The following DNAH6 variants were observed in gnomAD, a reference collection of about 807,000 sequenced individuals.
DNAH6 encodes axonemal beta dynein heavy chain 6.
DNAH6 carries 340 observed loss-of-function variants against 491.4 expected under a neutral mutation model. The ratio of observed to expected loss-of-function variants is 0.69; its 90% CI spans 0.63 to 0.76. The LOEUF is 0.76. Among genes scored for constraint, DNAH6 ranks in the 30% least tolerant of loss-of-function variants. The pLI, the probability that DNAH6 is intolerant of heterozygous loss-of-function variation, is 0.00. For synonymous variants in DNAH6, 1,603 were observed against 1,686.1 expected, an observed-to-expected ratio of 0.95 and a Z score of 1.21; for missense variants, 4,443 against 4,972.2, an observed-to-expected ratio of 0.89 and a Z score of 3.20.
At chr2:84,474,575 T>G in the DNAH6 span, among the ~76,000 whole-genome samples, 2 of 152,238 alleles carry the variant, frequency 1.3e-5, no homozygotes, top group Admixed American at 1.3e-4. Context: ...CTACTATTAC[T>G]ACTATATTGA....
rs1188720988 is a variant in DNAH6 at position 84,604,407 on chromosome 2, A to G, written c.2937A>G (p.Thr979=). 18 of 1,552,134 alleles carry G rather than the reference A, an allele frequency of 1.2e-5. No individual in the cohort carries two copies. The part of the protein sequence containing the change: ...KARHWAAIEQ[T]VDATLVDAEI... ...GACATTGGGCAGCTATTGAACAAAC[A>G]GTTGATGCCACTCTAGTGGATGCTG... The change falls in exon 19 of 77, where the codon ACA becomes ACG. Residue 979 remains threonine (T), a synonymous_variant. Transcript: ENST00000389394.
chr2:84,814,666 C>A (rs1448278497), intron 75 of DNAH6, among the ~76,000 whole-genome samples: 4 of 152,210 alleles, frequency 2.6e-5, no homozygotes, highest in Admixed American at 1.3e-4. Flanking sequence ...CAGCACACTC[C>A]ATCTGCCACA....
intron 4 of DNAH6, among the ~76,000 whole-genome samples, chr2:84,530,681 TACTC>T (rs1573517807): frequency 6.6e-6 from 1 of 152,140 alleles, no homozygotes; most frequent in East Asian, 1.9e-4. Flanking sequence ...AGGCCGTAGT[TACTC>T]AGGGGAGAAA....
chr2:84,544,207 T>C (rs1243695717), intron 4 of DNAH6, 26 bp from the exon 5 acceptor site: 3 of 1,222,340 alleles, frequency 2.5e-6, no homozygotes, highest in Non-Finnish European at 3.4e-6. Context: ...CTTTATTTAT[T>C]AGTCCCAATT....
At chr2:84,686,618 A>T (rs1573483873) in intron 44 of DNAH6, 61 bp downstream of exon 44, 1 of 1,018,940 alleles carries the variant, frequency 9.8e-7, no homozygotes, top group East Asian at 2.7e-5. Context: ...TTATTTTCCA[A>T]TTCAAATGAA....
At chr2:84,576,121 G>C (rs770709794) in intron 12 of DNAH6, among the ~76,000 whole-genome samples, 8 of 152,262 alleles carry the variant, frequency 5.3e-5, no homozygotes, top group Non-Finnish European at 1.0e-4. Context: ...ACTAAACAGC[G>C]CAGCATTATA....
At chr2:84,723,244 A>G (rs1440803789) in intron 60 of DNAH6, among the ~76,000 whole-genome samples, 3 of 152,132 alleles carry the variant, frequency 2.0e-5, no homozygotes, top group Non-Finnish European at 2.9e-5. Context: ...AATAAAAAAT[A>G]AAAAAGAGTG....
chr2:84,499,866 A>C, the DNAH6 span, among the ~76,000 whole-genome samples: 1 of 139,794 alleles, frequency 7.2e-6, no homozygotes, highest in Non-Finnish European at 1.5e-5. Flanking sequence ...CCTTTTGCCC[A>C]TTTTTTTGAT....
chr2:84,675,604 G>A (rs1003732535), intron 40 of DNAH6, among the ~76,000 whole-genome samples: 1 of 152,092 alleles, frequency 6.6e-6, no homozygotes, highest in African/African-American at 2.4e-5. Flanking sequence ...AACAAGCATT[G>A]CCTCAACATT....
At position 84,727,758 on chromosome 2, in the gene DNAH6, T is replaced by C. The variant is rs1261766519; in HGVS notation, c.10062T>C (p.Ala3354=). 1.2e-5 allele frequency: 19 copies of C among 1,551,504 alleles called. No individual in the cohort carries two copies. Among genetic ancestry groups the C allele is most frequent in the Non-Finnish European group, 1.6e-5 (18 of 1,146,764 alleles). The part of the protein sequence containing the change: ...DVLLEQTLLT[A]YVNVSRGLFE... Reference sequence around the variant, plus strand: ...TACTAGAACAAACTCTCCTAACTGCTTATGTCAATGTTTCAAGAGGACTTT... The same window carrying C: ...TACTAGAACAAACTCTCCTAACTGCCTATGTCAATGTTTCAAGAGGACTTT... Residue 3354 remains alanine (A), a synonymous_variant, in exon 61 of 77, where the codon GCT becomes GCC. Transcript: ENST00000389394.
chr2:84,540,320 G>A (rs1199246252), intron 4 of DNAH6, among the ~76,000 whole-genome samples: 1 of 152,058 alleles, frequency 6.6e-6, no homozygotes, highest in African/African-American at 2.4e-5. Context: ...CAAATACCTG[G>A]GAGAATAACT....
In DNAH6 at chr2:84,621,329, T is replaced by C; in HGVS notation, c.3931T>C (p.Trp1311Arg). ...ADYQGKLRTD[W>R]VVAGHPSQVI... Reference sequence around the variant, plus strand: ...CTATCAGGGGAAACTGAGGACAGACTGGGTGGTTGCTGGCCACCCTTCTCA... The same window carrying C: ...CTATCAGGGGAAACTGAGGACAGACCGGGTGGTTGCTGGCCACCCTTCTCA... Residue 1311 changes from tryptophan (W) to arginine (R), a missense_variant, in exon 25 of 77, where the codon TGG becomes CGG. By Grantham distance (101) the Trp-to-Arg change is moderately radical (BLOSUM62 -3). Transcript: ENST00000389394. 2 of 1,551,602 alleles carry C rather than the reference T, an allele frequency of 1.3e-6. No homozygotes were observed. The highest frequency in any genetic ancestry group is 1.7e-6 in the Non-Finnish European group (2 of 1,146,872).
At chr2:84,694,190 C>A (rs1447460203) in intron 45 of DNAH6, 59 bp from the exon 46 acceptor site, 9 of 1,477,804 alleles carry the variant, frequency 6.1e-6, no homozygotes, top group Non-Finnish European at 8.3e-6. Flanking sequence ...GGGGCAGGCT[C>A]TCTGAGCAGG....
chr2:84,696,457 T>TTG (rs1183528928), intron 46 of DNAH6, among the ~76,000 whole-genome samples: 1 of 151,976 alleles, frequency 6.6e-6, no homozygotes, highest in Non-Finnish European at 1.5e-5. Context: ...GTTCTCAAAT[T>TTG]TACATTTGTA....
chr2:84,553,628 A>ATTTTTTTTTTTTTT (rs748931607), intron 10 of DNAH6, among the ~76,000 whole-genome samples: 8 of 90,996 alleles, frequency 8.8e-5, no homozygotes, highest in Admixed American at 1.7e-4. Context: ...AGGACTGGCT[A>ATTTTTTTTTTTTTT]TTTTTTTTTT....
At chr2:84,489,211 A>C in the DNAH6 span, among the ~76,000 whole-genome samples, 1 of 152,088 alleles carries the variant, frequency 6.6e-6, no homozygotes, top group Non-Finnish European at 1.5e-5. Flanking sequence ...CTTTAGGGTC[A>C]ACATCTAATT....
In DNAH6 at chr2:84,672,439, T is replaced by G. The variant is rs1377186392; in HGVS notation, c.6567T>G (p.Phe2189Leu). 6.4e-7 allele frequency: 1 copy of G among 1,551,612 alleles called. No individual in the cohort carries two copies. The highest frequency in any genetic ancestry group is 2.0e-5 in the Admixed American group (1 of 50,998). Residue 2189 changes from phenylalanine to leucine, a missense_variant, in exon 40 of 77, where the codon TTT becomes TTG. Phe to Leu is a conservative substitution (Grantham distance 22). Coordinates refer to ENST00000389394, the MANE Select transcript of DNAH6 (RefSeq NM_001370.2). ...PIELLRQYQD[F>L]GGFYDRNKLF... ...AATTACTTCGGCAGTATCAAGATTT[T>G]GGGGGATTTTATGACAGAAACAAAC...
intron 11 of DNAH6, 36 bp downstream of exon 11, chr2:84,557,971 T>A (rs1573012570): frequency 7.4e-7 from 1 of 1,351,956 alleles, no homozygotes; most frequent in Non-Finnish European, 1.0e-6. Context: ...TCTATAATAT[T>A]CTCAATTTTT....
intron 58 of DNAH6, among the ~76,000 whole-genome samples, chr2:84,717,780 C>T (rs1697687818): frequency 6.6e-6 from 1 of 152,130 alleles, no homozygotes; most frequent in African/African-American, 2.4e-5. Flanking sequence ...AAAATCATTT[C>T]ATGGAGGTGG....
Sources: allele counts gnomAD v4.1 joint callset (sites outside exome capture counted in the v4.1 genomes callset), GRCh38; gene constraint gnomAD v4.1.1; transcripts MANE v1.5; gene names NCBI Gene and HGNC (gene_info 2026-07-23, HGNC 2026-07-21).